LRRC4C: variants seen among roughly 807,000 people sequenced by gnomAD.
LRRC4C encodes leucine-rich repeat-containing protein 4C.
LRRC4C carries 5 observed loss-of-function variants against 33.6 expected under a neutral mutation model. That is an observed-to-expected ratio of 0.15 (90% CI 0.08 to 0.31). The LOEUF is 0.31. Among genes scored for constraint, LRRC4C ranks in the 10% least tolerant of loss-of-function variants. The pLI is 1.00. For synonymous variants in LRRC4C, 329 were observed against 302.0 expected, an observed-to-expected ratio of 1.09 and a Z score of -0.93; for missense variants, 560 against 796.7, an observed-to-expected ratio of 0.70 and a Z score of 3.58.
chr11:41,367,388 C>T (rs1409890769), intron 1 of LRRC4C, among the ~76,000 whole-genome samples: 1 of 152,074 alleles, frequency 6.6e-6, no homozygotes, highest in Non-Finnish European at 1.5e-5. Context: ...TTGGGCAAGG[C>T]AGATGACTGA....
intron 2 of LRRC4C, among the ~76,000 whole-genome samples, chr11:40,795,000 A>G (rs990813270): frequency 6.6e-6 from 1 of 152,202 alleles, no homozygotes; most frequent in Non-Finnish European, 1.5e-5. Context: ...CATATCTTTT[A>G]CTATAGAGAA....
At chr11:40,594,298 A>G (rs2135757344) in intron 3 of LRRC4C, among the ~76,000 whole-genome samples, 1 of 152,302 alleles carries the variant, frequency 6.6e-6, no homozygotes, top group East Asian at 1.9e-4. Flanking sequence ...ATCTTATATA[A>G]TCCTCATTAC....
At chr11:41,455,905 T>G (rs937660443) in intron 1 of LRRC4C, among the ~76,000 whole-genome samples, 1 of 152,124 alleles carries the variant, frequency 6.6e-6, no homozygotes, top group Non-Finnish European at 1.5e-5. Context: ...TTCTTCTAAT[T>G]TTAACCCCAG....
At chr11:40,201,546 G>A (rs754975956) in intron 5 of LRRC4C, among the ~76,000 whole-genome samples, 9 of 152,006 alleles carry the variant, frequency 5.9e-5, no homozygotes, top group South Asian at 2.1e-4. Context: ...GGAAGTGAAC[G>A]CCTTCTATTC....
intron 2 of LRRC4C, among the ~76,000 whole-genome samples, chr11:40,810,482 T>A (rs925276244): frequency 1.3e-5 from 2 of 152,220 alleles, no homozygotes; most frequent in African/African-American, 2.4e-5. Flanking sequence ...AATAACCAAA[T>A]TTTTAACTTC....
At position 40,116,102 on chromosome 11, in the gene LRRC4C, C is replaced by A; in HGVS notation, c.191G>T (p.Arg64Leu). The A allele has an allele frequency of 6.2e-7, 1 of 1,614,020 alleles. No homozygotes were observed. The highest frequency in any genetic ancestry group is 8.5e-7 in the Non-Finnish European group (1 of 1,179,998). The change falls in exon 7 of 7, where the codon CGG becomes CTG. Residue 64 changes from arginine (R) to leucine (L), a missense_variant. Physicochemically the swap from Arg to Leu is moderately radical, Grantham distance 102. Transcript: ENST00000528697. ...ATCCGGAACCTCACGCAGGTTTTTC[C>A]GAACACAAATCACCTTGCTGAACTG... The part of the protein sequence containing the change: ...SNQFSKVICV[R>L]KNLREVPDGI...
At chr11:40,245,302 A>G (rs762587295) in intron 4 of LRRC4C, among the ~76,000 whole-genome samples, 2 of 152,124 alleles carry the variant, frequency 1.3e-5, no homozygotes, top group Non-Finnish European at 2.9e-5. Flanking sequence ...TATTATTTGC[A>G]TATGTTACTA....
intron 3 of LRRC4C, among the ~76,000 whole-genome samples, chr11:40,460,081 C>T (rs1434380489): frequency 1.3e-5 from 2 of 152,132 alleles, no homozygotes; most frequent in East Asian, 1.9e-4. Context: ...GAGAGTTAGA[C>T]TATCCGGGGT....
At chr11:40,397,754 C>T (rs777465190) in intron 3 of LRRC4C, among the ~76,000 whole-genome samples, 10 of 151,818 alleles carry the variant, frequency 6.6e-5, no homozygotes, top group South Asian at 2.1e-4. Flanking sequence ...ACCAGTATGG[C>T]GGAAGGCATA....
chr11:41,432,531 G>T (rs139081216), intron 1 of LRRC4C, among the ~76,000 whole-genome samples: 21 of 151,366 alleles, frequency 1.4e-4, no homozygotes, highest in African/African-American at 2.2e-4. Context: ...AATATTGTAG[G>T]TATCAAAGTT....
At chr11:40,924,110 G>A (rs1200018115) in intron 2 of LRRC4C, among the ~76,000 whole-genome samples, 1 of 127,300 alleles carries the variant, frequency 7.9e-6, no homozygotes. Context: ...ATGTGTGTGT[G>A]TGTGTGTGTG....
chr11:40,794,053 C>T (rs1472340736), intron 2 of LRRC4C, among the ~76,000 whole-genome samples: 1 of 151,832 alleles, frequency 6.6e-6, no homozygotes, highest in Non-Finnish European at 1.5e-5. Context: ...TGTGAGATCT[C>T]TGATGTGAAA....
At chr11:40,619,969 T>C (rs1962285190) in intron 3 of LRRC4C, among the ~76,000 whole-genome samples, 1 of 150,732 alleles carries the variant, frequency 6.6e-6, no homozygotes, top group South Asian at 2.1e-4. Context: ...CCTGCACTGT[T>C]GAGTGTGTTA....
intron 1 of LRRC4C, among the ~76,000 whole-genome samples, chr11:40,989,833 C>T (rs1016809026): frequency 6.6e-5 from 10 of 151,672 alleles, no homozygotes; most frequent in African/African-American, 2.4e-4. Flanking sequence ...GCCTTCCCAT[C>T]CACAGATTAA....
chr11:41,182,790 T>C (rs1236695352), intron 1 of LRRC4C, among the ~76,000 whole-genome samples: 1 of 151,856 alleles, frequency 6.6e-6, no homozygotes, highest in Non-Finnish European at 1.5e-5. Context: ...TTACATATTA[T>C]TACTATATTA....
At chr11:41,290,287 C>T (rs922335906) in intron 1 of LRRC4C, among the ~76,000 whole-genome samples, 3 of 152,096 alleles carry the variant, frequency 2.0e-5, no homozygotes, top group Admixed American at 2.0e-4. Context: ...ATGTAGAAAA[C>T]TATAAGCACT....
chr11:40,439,593 A>G (rs1951299320), intron 3 of LRRC4C, among the ~76,000 whole-genome samples: 1 of 151,750 alleles, frequency 6.6e-6, no homozygotes, highest in Non-Finnish European at 1.5e-5. Flanking sequence ...AGCTGGGATT[A>G]CAAGCGTGTA....
intron 3 of LRRC4C, among the ~76,000 whole-genome samples, chr11:40,345,148 C>T (rs1320836712): frequency 6.6e-6 from 1 of 152,024 alleles, no homozygotes. Context: ...AGATTCAATG[C>T]CATGCTATCA....
At chr11:41,100,600 T>TAAA (rs956747138) in intron 1 of LRRC4C, among the ~76,000 whole-genome samples, 15 of 151,918 alleles carry the variant, frequency 9.9e-5, no homozygotes, top group African/African-American at 3.6e-4. Flanking sequence ...ACAATAATAA[T>TAAA]AAAAATAGCC....
Sources: gnomAD v4.1 joint callset for allele counts (sites outside exome capture counted in the v4.1 genomes callset) on GRCh38, gnomAD v4.1.1 for gene constraint, MANE v1.5 for transcripts, NCBI Gene and HGNC (gene_info 2026-07-23, HGNC 2026-07-21) for gene names.